Variants in FRMD4A observed in about 807,000 individuals in gnomAD.
The protein encoded by FRMD4A is FERM domain containing 4A.
Under a neutral mutation model 129.1 loss-of-function variants are expected in FRMD4A, and 29 were observed. The ratio of observed to expected loss-of-function variants is 0.22; its 90% confidence interval spans 0.17 to 0.31. The LOEUF (loss-of-function observed/expected upper bound fraction) is 0.31, where lower values mean the gene tolerates loss of function less well. Ranked by LOEUF, FRMD4A falls within the 10% of genes least tolerant of loss-of-function variation. FRMD4A has a pLI of 1.00. For missense variants in FRMD4A, 1,272 were observed against 1,375.8 expected (o/e 0.92, Z 1.19); for synonymous variants, 634 against 571.6 (o/e 1.11, Z -1.56).
chr10:13,773,006 T>G (rs916565018), intron 6 of FRMD4A, among the ~76,000 whole-genome samples: 3 of 152,216 alleles, frequency 2.0e-5, no homozygotes, highest in Non-Finnish European at 1.5e-5. Context: ...GGATACCCCA[T>G]TTGCCCTGAT....
At chr10:14,017,104 T>C (rs1032640171) in intron 2 of FRMD4A, among the ~76,000 whole-genome samples, 1 of 152,254 alleles carries the variant, frequency 6.6e-6, no homozygotes, top group African/African-American at 2.4e-5. Context: ...GGCTATAGCC[T>C]GGCTAAAGGC....
At chr10:14,260,709 C>T (rs1437802549) in intron 2 of FRMD4A, among the ~76,000 whole-genome samples, 2 of 152,324 alleles carry the variant, frequency 1.3e-5, no homozygotes, top group African/African-American at 4.8e-5. Flanking sequence ...CAGCCAGAAC[C>T]TTTGCCTTTG....
intron 14 of FRMD4A, among the ~76,000 whole-genome samples, chr10:13,700,044 C>T (rs1170797738): frequency 6.6e-6 from 1 of 152,108 alleles, no homozygotes; most frequent in East Asian, 1.9e-4. Context: ...CTGCGGGGGA[C>T]AGACCCCAAT....
At chr10:13,997,236 T>C (rs981440193) in intron 2 of FRMD4A, among the ~76,000 whole-genome samples, 39 of 152,020 alleles carry the variant, frequency 2.6e-4, no homozygotes, top group Admixed American at 2.6e-3. Context: ...AAGGGAGGGA[T>C]ATTTAAAAGA....
chr10:13,649,143 T>C, intron 24 of FRMD4A: 1 of 152,242 alleles, frequency 6.6e-6, no homozygotes, highest in Middle Eastern at 3.2e-3. Context: ...CTCTTGTATG[T>C]TGGATCCTAA....
intron 2 of FRMD4A, among the ~76,000 whole-genome samples, chr10:14,116,297 G>A (rs1005608928): frequency 2.0e-5 from 3 of 152,206 alleles, no homozygotes; most frequent in African/African-American, 4.8e-5. Context: ...AAACCGCCAC[G>A]ACAGTTTATT....
intron 9 of FRMD4A, among the ~76,000 whole-genome samples, chr10:13,745,172 C>T (rs534207634): frequency 3.9e-5 from 6 of 152,150 alleles, no homozygotes; most frequent in Admixed American, 6.5e-5. Context: ...AGTATATATA[C>T]GTGAAAAATA....
rs200490354 is a variant in FRMD4A, at chr10:13,964,682, T to G, written c.46-105770A>C. On this transcript the variant is annotated intron_variant, in intron 2 of 24. Coordinates refer to ENST00000357447, the MANE Select transcript of FRMD4A (RefSeq NM_018027.5). ...CTAATGCCTCTTCTTTTGTTTTTTTTTTTTTTTTGAGACAGAGTTTCGCTC... is the reference window on the plus strand; with the variant it reads ...CTAATGCCTCTTCTTTTGTTTTTTTGTTTTTTTTGAGACAGAGTTTCGCTC... Among the ~76,000 whole-genome samples the G allele has an allele frequency of 5.5e-3, 834 of 151,506 alleles. 8 individuals carry two copies. The highest frequency in any genetic ancestry group is 0.035 in the East Asian group (183 of 5,158).
At chr10:13,873,850 C>T (rs2094463756) in intron 2 of FRMD4A, among the ~76,000 whole-genome samples, 1 of 151,754 alleles carries the variant, frequency 6.6e-6, no homozygotes, top group Non-Finnish European at 1.5e-5. Flanking sequence ...CTAGTCATGA[C>T]ACTGATATTT....
intron 2 of FRMD4A, among the ~76,000 whole-genome samples, chr10:13,928,236 C>T (rs2095156600): frequency 1.3e-5 from 2 of 151,824 alleles, no homozygotes; most frequent in African/African-American, 2.4e-5. Context: ...TGCCTAGGCT[C>T]GTCTCCAACT....
chr10:14,063,860 T>C (rs1392849169), intron 2 of FRMD4A, among the ~76,000 whole-genome samples: 2 of 152,160 alleles, frequency 1.3e-5, no homozygotes, highest in Non-Finnish European at 2.9e-5. Context: ...TTGTTATATA[T>C]GTGTCACTAA....
chr10:14,323,340 A>G lies in FRMD4A; in HGVS notation c.45+6718T>C, dbSNP rs552848979. On this transcript the variant is annotated intron_variant, in intron 2 of 24. Transcript: ENST00000357447. ...AAATAGCACTACGAACTTTACATGC[A>G]TATCTGGTTGAATTATCCCAAATCT... Among the ~76,000 whole-genome samples, 7 of 152,240 alleles carry G rather than the reference A, an allele frequency of 4.6e-5. No homozygotes were observed. In the South Asian group the frequency reaches 6.2e-4, roughly 13 times the overall value.
At chr10:13,757,246 C>A (rs2091902706) in intron 8 of FRMD4A, among the ~76,000 whole-genome samples, 1 of 152,216 alleles carries the variant, frequency 6.6e-6, no homozygotes, top group Non-Finnish European at 1.5e-5. Context: ...ACTCTACTGA[C>A]TTCCTGATTG....
At chr10:13,798,230 G>A (rs2093166179) in intron 4 of FRMD4A, among the ~76,000 whole-genome samples, 1 of 152,060 alleles carries the variant, frequency 6.6e-6, no homozygotes, top group Non-Finnish European at 1.5e-5. Context: ...GGCCAACATG[G>A]TGAAACCCTG....
At chr10:14,236,820 A>G (rs1195667116) in intron 2 of FRMD4A, among the ~76,000 whole-genome samples, 3 of 152,154 alleles carry the variant, frequency 2.0e-5, no homozygotes, top group African/African-American at 7.2e-5. Flanking sequence ...GAATGAGGAC[A>G]GCTAACGTTT....
At chr10:13,953,065 C>A (rs532186066) in intron 2 of FRMD4A, among the ~76,000 whole-genome samples, 1 of 152,248 alleles carries the variant, frequency 6.6e-6, no homozygotes, top group East Asian at 1.9e-4. Context: ...ATAGCTATTA[C>A]CTTACACCAG....
chr10:14,234,836 A>G (rs557457677), intron 2 of FRMD4A, among the ~76,000 whole-genome samples: 20 of 152,198 alleles, frequency 1.3e-4, no homozygotes, highest in Non-Finnish European at 2.8e-4. Flanking sequence ...TCCCACCTCT[A>G]CTAACAGCCC....
chr10:13,928,281 C>T (rs190928141), intron 2 of FRMD4A, among the ~76,000 whole-genome samples: 1 of 152,158 alleles, frequency 6.6e-6, no homozygotes. Flanking sequence ...CTCGGTCTCC[C>T]AAAGTGCTGA....
At chr10:13,783,597 G>C (rs1198377568) in intron 5 of FRMD4A, among the ~76,000 whole-genome samples, 2 of 151,674 alleles carry the variant, frequency 1.3e-5, no homozygotes, top group Non-Finnish European at 2.9e-5. Context: ...GCTCAGGCTG[G>C]GCTCAAATTA....
Sources: gnomAD v4.1 joint callset for allele counts (sites outside exome capture counted in the v4.1 genomes callset) on GRCh38, gnomAD v4.1.1 for gene constraint, MANE v1.5 for transcripts, NCBI Gene and HGNC (gene_info 2026-07-23, HGNC 2026-07-21) for gene names.